SPOCK3: variants seen among roughly 807,000 people sequenced by gnomAD.
SPOCK3 encodes the protein SPARC (osteonectin), cwcv and kazal like domains proteoglycan 3, also known as testican-3.
Under a neutral mutation model 56.6 loss-of-function variants are expected in SPOCK3, and 30 were observed. The ratio of observed to expected loss-of-function variants is 0.53; its 90% CI spans 0.40 to 0.72. SPOCK3 has a LOEUF of 0.72. Ranked by LOEUF, SPOCK3 falls within the 30% of genes least tolerant of loss-of-function variation. The pLI, the probability that SPOCK3 is intolerant of heterozygous loss-of-function variation, is 0.00. For synonymous variants in SPOCK3, 196 were observed against 183.3 expected, an observed-to-expected ratio of 1.07 and a Z score of -0.56; for missense variants, 527 against 530.0, an observed-to-expected ratio of 0.99 and a Z score of 0.06.
At chr4:167,134,400 C>T (rs192804167) in intron 2 of SPOCK3, among the ~76,000 whole-genome samples, 106 of 151,976 alleles carry the variant, frequency 7.0e-4, no homozygotes, top group African/African-American at 2.3e-3. Flanking sequence ...GGAGTGGAAG[C>T]GTTGTTACTG....
At chr4:167,044,479 C>A (rs897071844) in intron 3 of SPOCK3, among the ~76,000 whole-genome samples, 8 of 151,622 alleles carry the variant, frequency 5.3e-5, no homozygotes, top group Admixed American at 3.9e-4. Flanking sequence ...ACTTAAATTT[C>A]TTTTCAAGTT....
intron 4 of SPOCK3, among the ~76,000 whole-genome samples, chr4:166,990,438 A>G (rs2150110307): frequency 6.6e-6 from 1 of 152,210 alleles, no homozygotes; most frequent in South Asian, 2.1e-4. Flanking sequence ...TTAAAAATCT[A>G]AAGAAAATAG....
intron 3 of SPOCK3, among the ~76,000 whole-genome samples, chr4:167,041,677 T>C (rs1396232137): frequency 6.6e-6 from 1 of 152,160 alleles, no homozygotes; most frequent in East Asian, 1.9e-4. Context: ...AACTCGGCTT[T>C]GCTATTCTAT....
chr4:167,193,016 G>A (rs192286662), intron 2 of SPOCK3, among the ~76,000 whole-genome samples: 1 of 145,964 alleles, frequency 6.9e-6, no homozygotes, highest in African/African-American at 2.6e-5. Context: ...CCCAACGTAT[G>A]ATCTATCTTG....
At chr4:167,203,545 T>C (rs1733722752) in intron 2 of SPOCK3, among the ~76,000 whole-genome samples, 1 of 146,432 alleles carries the variant, frequency 6.8e-6, no homozygotes, top group Non-Finnish European at 1.5e-5. Flanking sequence ...GAAAAGATAT[T>C]TCTATCTGAT....
chr4:167,187,269 A>AG (rs1246237119), intron 2 of SPOCK3, among the ~76,000 whole-genome samples: 1 of 140,162 alleles, frequency 7.1e-6, no homozygotes, highest in Non-Finnish European at 1.5e-5. Flanking sequence ...TTAGGGTTCC[A>AG]GTTTTTTTTT....
intron 5 of SPOCK3, among the ~76,000 whole-genome samples, chr4:166,897,275 G>A (rs1244252559): frequency 6.6e-6 from 1 of 152,062 alleles, no homozygotes; most frequent in East Asian, 1.9e-4. Flanking sequence ...AGTACCCGAT[G>A]TATTGCTGTG....
chr4:166,856,812 A>C (rs868469992), intron 6 of SPOCK3, among the ~76,000 whole-genome samples: 15 of 87,818 alleles, frequency 1.7e-4, no homozygotes, highest in South Asian at 4.8e-4. Context: ...ATCTATCTAG[A>C]TATCTAGATA....
At chr4:166,802,655 T>TAGGATTTGAACGTA (rs1742737468) in intron 6 of SPOCK3, among the ~76,000 whole-genome samples, 2 of 152,054 alleles carry the variant, frequency 1.3e-5, no homozygotes, top group South Asian at 4.1e-4. Flanking sequence ...GCTTGGGGAT[T>TAGGATTTGAACGTA]AGGATTTGAA....
chr4:166,808,087 G>T (rs1455167724), intron 6 of SPOCK3, among the ~76,000 whole-genome samples: 1 of 152,142 alleles, frequency 6.6e-6, no homozygotes, highest in Non-Finnish European at 1.5e-5. Flanking sequence ...CACAGAAAAA[G>T]CACAGTCATA....
At chr4:166,962,245 T>C (rs1397107244) in intron 4 of SPOCK3, among the ~76,000 whole-genome samples, 1 of 152,110 alleles carries the variant, frequency 6.6e-6, no homozygotes, top group African/African-American at 2.4e-5. Flanking sequence ...TTTGGTAATG[T>C]TGGATGTCTT....
chr4:167,017,894 C>G (rs550875428), intron 3 of SPOCK3, among the ~76,000 whole-genome samples: 3 of 151,870 alleles, frequency 2.0e-5, no homozygotes, highest in East Asian at 1.9e-4. Flanking sequence ...TAAAAACACC[C>G]AATATTGATT....
chr4:167,024,113 G>C (rs1472494117), intron 3 of SPOCK3, among the ~76,000 whole-genome samples: 1 of 151,888 alleles, frequency 6.6e-6, no homozygotes, highest in East Asian at 2.0e-4. Flanking sequence ...GTCAGTCCTA[G>C]GAGTGGTGAC....
intron 2 of SPOCK3, among the ~76,000 whole-genome samples, chr4:167,208,574 T>C (rs550049556): frequency 2.3e-4 from 35 of 152,240 alleles, no homozygotes; most frequent in African/African-American, 7.9e-4. Flanking sequence ...CTCATTCTAA[T>C]ATTCCAAATT....
chr4:166,972,207 C>T (rs558644059), intron 4 of SPOCK3, among the ~76,000 whole-genome samples: 6 of 152,052 alleles, frequency 3.9e-5, no homozygotes, highest in Non-Finnish European at 5.9e-5. Context: ...AATTACTCAG[C>T]GAAAGAGAAA....
At chr4:166,859,100 G>T (rs1730979438) in intron 6 of SPOCK3, among the ~76,000 whole-genome samples, 1 of 152,120 alleles carries the variant, frequency 6.6e-6, no homozygotes, top group African/African-American at 2.4e-5. Flanking sequence ...ATTGTCTACA[G>T]TATTCAGTGC....
chr4:167,024,111 T>C (rs1198058960), intron 3 of SPOCK3, among the ~76,000 whole-genome samples: 1 of 151,998 alleles, frequency 6.6e-6, no homozygotes, highest in Non-Finnish European at 1.5e-5. Context: ...CTGTCAGTCC[T>C]AGGAGTGGTG....
chr4:166,805,562 A>G (rs1743074586), intron 6 of SPOCK3, among the ~76,000 whole-genome samples: 1 of 152,116 alleles, frequency 6.6e-6, no homozygotes, highest in African/African-American at 2.4e-5. Context: ...TAGAGGTTGC[A>G]GAAGGTTAGA....
intron 2 of SPOCK3, among the ~76,000 whole-genome samples, chr4:167,177,229 A>G (rs1360947240): frequency 1.3e-5 from 2 of 152,058 alleles, no homozygotes; most frequent in Admixed American, 6.6e-5. Flanking sequence ...TCTTCAGGAG[A>G]AGAACCCAGA....
Sources: allele counts gnomAD v4.1 joint callset (sites outside exome capture counted in the v4.1 genomes callset), GRCh38; gene constraint gnomAD v4.1.1; transcripts MANE v1.5; gene names NCBI Gene and HGNC (gene_info 2026-07-23, HGNC 2026-07-21).